Variants in ADGRA3 observed in about 807,000 individuals in gnomAD.
The protein encoded by ADGRA3 is G-protein coupled receptor 125.
In ADGRA3, 56 loss-of-function variants were observed where a neutral mutation model predicts 119.8. The observed-to-expected ratio is 0.47, with a 90% CI of 0.38 to 0.58. The LOEUF is 0.58. ADGRA3 is among the 20% of genes least tolerant of loss of function. The pLI, the probability that ADGRA3 is intolerant of heterozygous loss-of-function variation, is 0.00. For missense variants in ADGRA3, 1,516 were observed against 1,649.0 expected (o/e 0.92, Z 1.40); for synonymous variants, 607 against 623.8 (o/e 0.97, Z 0.40).
intron 1 of ADGRA3, among the ~76,000 whole-genome samples, chr4:22,491,640 T>A (rs932522725): frequency 6.6e-6 from 1 of 152,126 alleles, no homozygotes; most frequent in African/African-American, 2.4e-5. Flanking sequence ...TCAACAAGAA[T>A]CCTCAGGGTC....
chr4:22,484,967 A>G (rs996813171), intron 1 of ADGRA3, among the ~76,000 whole-genome samples: 1 of 152,080 alleles, frequency 6.6e-6, no homozygotes, highest in South Asian at 2.1e-4. Context: ...TCTCATCTTA[A>G]TAACGTTCTG....
At chr4:22,434,695 CTCAT>C (rs1395913244) in intron 10 of ADGRA3, among the ~76,000 whole-genome samples, 1 of 152,162 alleles carries the variant, frequency 6.6e-6, no homozygotes, top group Non-Finnish European at 1.5e-5. Flanking sequence ...TAATTTGCTG[CTCAT>C]TCATTCTGTA....
intron 7 of ADGRA3, among the ~76,000 whole-genome samples, chr4:22,439,545 G>A (rs1250801609): frequency 3.3e-5 from 5 of 152,034 alleles, no homozygotes; most frequent in Admixed American, 2.0e-4. Context: ...ACATTTGTCC[G>A]ATCTCCTAAA....
At chr4:22,401,810 C>T (rs1048804128) in intron 15 of ADGRA3, among the ~76,000 whole-genome samples, 2 of 152,060 alleles carry the variant, frequency 1.3e-5, no homozygotes, top group African/African-American at 4.8e-5. Flanking sequence ...AACCACTGCA[C>T]CCACTAAATG....
intron 2 of ADGRA3, among the ~76,000 whole-genome samples, chr4:22,472,624 C>T (rs898566499): frequency 1.4e-4 from 21 of 151,910 alleles, no homozygotes; most frequent in Non-Finnish European, 2.4e-4. Context: ...AACAGAGACA[C>T]GCATAAAGAA....
intron 11 of ADGRA3, among the ~76,000 whole-genome samples, chr4:22,421,842 C>T (rs1430137415): frequency 8.3e-6 from 1 of 120,892 alleles, no homozygotes; most frequent in Non-Finnish European, 1.6e-5. Context: ...GATTGTGCCA[C>T]AGCACTCCAG....
At chr4:22,489,369 G>A (rs1397141708) in intron 1 of ADGRA3, among the ~76,000 whole-genome samples, 2 of 152,080 alleles carry the variant, frequency 1.3e-5, no homozygotes, top group African/African-American at 4.8e-5. Context: ...ACCATATCAG[G>A]AATGATGAAA....
chr4:22,429,904 T>G (rs1246281329), intron 10 of ADGRA3, among the ~76,000 whole-genome samples: 1 of 152,144 alleles, frequency 6.6e-6, no homozygotes, highest in African/African-American at 2.4e-5. Flanking sequence ...CATCTTGAAT[T>G]GTAACTCCCA....
At chr4:22,487,839 T>C (rs1718484782) in intron 1 of ADGRA3, among the ~76,000 whole-genome samples, 1 of 152,208 alleles carries the variant, frequency 6.6e-6, no homozygotes, top group African/African-American at 2.4e-5. Flanking sequence ...AGAAACTCTC[T>C]GAAGTGATAA....
chr4:22,463,445 G>A (rs779816347), intron 2 of ADGRA3, among the ~76,000 whole-genome samples: 2 of 152,110 alleles, frequency 1.3e-5, no homozygotes, highest in Admixed American at 6.5e-5. Flanking sequence ...ATGCTCACCC[G>A]TGCCCAGGCA....
At chr4:22,414,303 T>C in intron 12 of ADGRA3, 2 of 281,988 alleles carry the variant, frequency 7.1e-6, no homozygotes, top group South Asian at 9.0e-5. Context: ...ACAAACATAA[T>C]AGAGGTTTAG....
At chr4:22,507,823 G>T (rs1410594777) in intron 1 of ADGRA3, among the ~76,000 whole-genome samples, 1 of 152,154 alleles carries the variant, frequency 6.6e-6, no homozygotes, top group South Asian at 2.1e-4. Flanking sequence ...CAGTCTATGC[G>T]TGTGTGTTTG....
chr4:22,398,514 T>A (rs979475765), intron 16 of ADGRA3, among the ~76,000 whole-genome samples: 1 of 152,150 alleles, frequency 6.6e-6, no homozygotes, highest in African/African-American at 2.4e-5. Context: ...ACTATCACCC[T>A]ATTATATCCT....
intron 10 of ADGRA3, among the ~76,000 whole-genome samples, chr4:22,426,579 G>A (rs142431038): frequency 1.4e-4 from 21 of 152,090 alleles, no homozygotes; most frequent in African/African-American, 4.8e-4. Context: ...CTTATAGTCT[G>A]GTGAAGAAAA....
chr4:22,488,310 A>G (rs890818886), intron 1 of ADGRA3, among the ~76,000 whole-genome samples: 6 of 151,928 alleles, frequency 3.9e-5, no homozygotes, highest in Non-Finnish European at 8.8e-5. Context: ...GGTGCAGAAC[A>G]TTGGTTCTCA....
intron 2 of ADGRA3, 88 bp from the exon 3 acceptor site, chr4:22,461,896 C>A (rs886763314): frequency 1.9e-5 from 15 of 774,228 alleles, no homozygotes; most frequent in African/African-American, 1.1e-4. Flanking sequence ...ACAAAAAAAA[C>A]AAAAGTATAA....
chr4:22,493,467 A>AAAT (rs1718700788), intron 1 of ADGRA3, among the ~76,000 whole-genome samples: 1 of 152,146 alleles, frequency 6.6e-6, no homozygotes, highest in Admixed American at 6.5e-5. Context: ...GTTAGACAAA[A>AAAT]AATAATAATA....
intron 14 of ADGRA3, among the ~76,000 whole-genome samples, 200 bp from the exon 15 acceptor site, chr4:22,402,999 G>A (rs905737532): frequency 1.3e-5 from 2 of 152,138 alleles, no homozygotes; most frequent in East Asian, 1.9e-4. Context: ...AACTGCTTAC[G>A]GCATACCCTC....
In ADGRA3 at chr4:22,413,823, A is replaced by G; in HGVS notation, c.1810-9T>C. On this transcript the variant is annotated splice_polypyrimidine_tract_variant and intron_variant, in intron 12 of 18. Transcript: ENST00000334304. ...GCCTCCACAATAGTATTCTGAAAAA[A>G]TATATATACATAAAAAAAGCTCACT... 2 of 1,564,324 alleles carry G rather than the reference A, an allele frequency of 1.3e-6. No individual in the cohort carries two copies. Among genetic ancestry groups the G allele is most frequent in the Non-Finnish European group, 1.7e-6 (2 of 1,152,732 alleles).
Sources: allele counts gnomAD v4.1 joint callset (sites outside exome capture counted in the v4.1 genomes callset), GRCh38; gene constraint gnomAD v4.1.1; transcripts MANE v1.5; gene names NCBI Gene and HGNC (gene_info 2026-07-23, HGNC 2026-07-21).